DOP1B: variants seen among roughly 807,000 people sequenced by gnomAD.
DOP1B encodes the protein protein DOP1B.
In DOP1B, 174 loss-of-function variants were observed where a neutral mutation model predicts 233.5. The observed-to-expected ratio is 0.75, with a 90% CI of 0.66 to 0.85. The LOEUF (loss-of-function observed/expected upper bound fraction) is 0.85. DOP1B is among the 40% of genes least tolerant of loss of function. DOP1B has a pLI of 0.00. For missense variants in DOP1B, 2,652 were observed against 2,846.6 expected, an observed-to-expected ratio of 0.93 and a Z score of 1.56; for synonymous variants, 1,190 against 1,185.6, an observed-to-expected ratio of 1.00 and a Z score of -0.08.
rs2066535421 is a variant in DOP1B, at chr21:36,214,304, G to A, written c.1014+114G>A. The stretch of plus-strand genomic sequence containing the variant: ...CACGTTCCTTGGCCCCTGGTTTGGG[G>A]AACTGCAGGGTATTTGTTGCATGCT... On this transcript the variant is annotated intron_variant, in intron 8 of 36. Coordinates refer to ENST00000691173, the MANE Select transcript of DOP1B (RefSeq NM_001320714.2). 3.2e-6 allele frequency: 4 copies of A among 1,246,808 alleles called. No individual in the cohort carries two copies. The South Asian group carries it at 5.5e-5, about 17-fold the overall frequency. The allele number at this position is 1,246,808 out of a possible 1,614,324, so 77.2% of individuals were successfully genotyped here. A position where few individuals can be genotyped will look rare whatever the true frequency, so the allele number is the denominator to read the frequency against.
chr21:36,246,487 G>A lies in DOP1B; in HGVS notation c.4507G>A (p.Val1503Met), dbSNP rs1231594938. The change falls in exon 19 of 37, where the codon GTG becomes ATG. Residue 1503 changes from valine (V) to methionine (M), a missense_variant. Physicochemically the swap from Val to Met is conservative, Grantham distance 21. This residue lies in a region of DOP1B where 2,617 missense variants were observed against 2,794.3 expected (regional missense o/e 0.94). Transcript: ENST00000691173. The surrounding 1 kb of genome is among the most constrained non-coding windows in gnomAD (Gnocchi z 5.1). ...LTSQGLLVSAVVRGLQPAYGY... is the reference protein window; with the variant it reads ...LTSQGLLVSAMVRGLQPAYGY... Reference sequence around the variant, plus strand: ...CTCCCAGGGTCTTCTGGTCTCTGCGGTGGTGAGGGGTCTGCAGCCCGCCTA... The same window carrying A: ...CTCCCAGGGTCTTCTGGTCTCTGCGATGGTGAGGGGTCTGCAGCCCGCCTA... The A allele has an allele frequency of 1.9e-6, 3 of 1,614,152 alleles. No individual in the cohort carries two copies. The highest frequency in any genetic ancestry group is 1.1e-5 in the South Asian group (1 of 91,084).
At position 36,278,365 on chromosome 21, in the gene DOP1B, G is replaced by A; in HGVS notation, c.5969+10G>A. The stretch of plus-strand genomic sequence containing the variant: ...ATACTTCCTGTGTTCAGTAAGATAT[G>A]CTGTCCTGATAACAACGTGCTCTGA... On this transcript the variant is annotated intron_variant, in intron 30 of 36. Transcript: ENST00000691173. 1 of 1,605,412 alleles carries A rather than the reference G, an allele frequency of 6.2e-7. No homozygotes were observed. Among genetic ancestry groups the A allele is most frequent in the Non-Finnish European group, 8.5e-7 (1 of 1,178,196 alleles).
At position 36,205,485 on chromosome 21, in the gene DOP1B, T is replaced by G. The variant is rs993164592; in HGVS notation, c.492-3230T>G. ...CACCCTGCAGCCTCCACCTCCTGGG[T>G]TCAAGCAATTCTCCTGCCTCAGCCT... On this transcript the variant is annotated intron_variant, in intron 4 of 36. Transcript: ENST00000691173. Among the ~76,000 whole-genome samples the G allele has an allele frequency of 2.5e-4, 38 of 151,782 alleles. 1 individual carries two copies. Among genetic ancestry groups the G allele is most frequent in the African/African-American group, 9.0e-4 (37 of 41,334 alleles).
Position 36,235,868 on chromosome 21 carries a change from G to C in DOP1B, c.2623-1394G>C, listed in dbSNP as rs139681929. 9.2e-3 allele frequency among the ~76,000 whole-genome samples: 1,364 copies of C among 147,842 alleles called. 20 individuals carry two copies. The highest frequency in any genetic ancestry group is 0.031 in the African/African-American group (1,284 of 40,836). On this transcript the variant is annotated intron_variant, in intron 15 of 36. Coordinates refer to ENST00000691173, the MANE Select transcript of DOP1B (RefSeq NM_001320714.2). The stretch of plus-strand genomic sequence containing the variant: ...CATAGTGACAGCAAGGAAGTCGGGG[G>C]GGGGGCGGTCTACGTAGTCAAAAAG...
intron 9 of DOP1B, among the ~76,000 whole-genome samples, chr21:36,215,739 G>A (rs1268158153): frequency 1.3e-5 from 2 of 148,662 alleles, no homozygotes; most frequent in Non-Finnish European, 1.5e-5. Context: ...TTGCGACCAG[G>A]CACGGTGGCT....
chr21:36,199,058 CTT>C lies in DOP1B; in HGVS notation c.139-11_139-10del. The C allele has an allele frequency of 6.3e-7, 1 of 1,592,266 alleles. No homozygotes were observed. ...CTTCTTCCTCATGTGTTTTTTTTGTCTTGTTTGACAGGCTCTTCAGAGTAACC... is the reference window on the plus strand; with the variant it reads ...CTTCTTCCTCATGTGTTTTTTTTGTCGTTTGACAGGCTCTTCAGAGTAACC... On this transcript the variant is annotated splice_polypyrimidine_tract_variant and intron_variant, in intron 2 of 36. Transcript: ENST00000691173.
At chr21:36,243,860 A>G (rs1425260350) in intron 18 of DOP1B, among the ~76,000 whole-genome samples, 1 of 151,740 alleles carries the variant, frequency 6.6e-6, no homozygotes, top group East Asian at 1.9e-4. Flanking sequence ...TTTTCTAGAG[A>G]TGGAGTTTTT....
chr21:36,246,653 G>T lies in DOP1B; in HGVS notation c.4673G>T (p.Ser1558Ile). Residue 1558 changes from serine to isoleucine, a missense_variant, in exon 19 of 37, where the codon AGC (serine) becomes ATC (isoleucine). Physicochemically the swap from Ser to Ile is moderately radical, Grantham distance 142. Around this residue, in one of 3 missense-constraint regions of DOP1B, gnomAD observed 2,617 missense variants for 2,794.3 expected, o/e 0.94. Coordinates refer to ENST00000691173, the MANE Select transcript of DOP1B (RefSeq NM_001320714.2). This position sits in a 1 kb window ranked among gnomAD's most constrained non-coding sequence, Gnocchi z 5.1. Reference protein sequence around the residue: ...NLDDLVKQYESESVKLSVSTT... With the variant: ...NLDDLVKQYEIESVKLSVSTT... ...GATGACTTGGTCAAGCAGTATGAAA[G>T]CGAATCTGTGAAGCTCTCTGTCAGG... is the stretch of plus-strand genomic sequence containing the variant. 6.2e-7 allele frequency: 1 copy of T among 1,612,240 alleles called. No homozygotes were observed. Among genetic ancestry groups the T allele is most frequent in the Non-Finnish European group, 8.5e-7 (1 of 1,178,520 alleles).
rs527929154 is a variant in DOP1B at position 36,175,583 on chromosome 21, A to G, written c.138+10712A>G. ...CAAGATGGGTGGATCACTTGAGGTC[A>G]GGAGTTCAAGACCAGCCTGGCCAAC... On this transcript the variant is annotated intron_variant, in intron 2 of 36. Coordinates refer to ENST00000691173, the MANE Select transcript of DOP1B (RefSeq NM_001320714.2). Among the ~76,000 whole-genome samples, 38 of 151,422 alleles carry G rather than the reference A, an allele frequency of 2.5e-4. 1 individual carries two copies. The East Asian group carries it at 7.2e-3, about 29-fold the overall frequency.
At chr21:36,226,650 G>C (rs2066686323) in intron 12 of DOP1B, among the ~76,000 whole-genome samples, 3 of 152,002 alleles carry the variant, frequency 2.0e-5, no homozygotes, top group Non-Finnish European at 4.4e-5. Context: ...CTGGAGTGCA[G>C]TGGCATGATC....
At chr21:36,241,937 C>A (rs2066896566) in intron 18 of DOP1B, among the ~76,000 whole-genome samples, 1 of 151,020 alleles carries the variant, frequency 6.6e-6, no homozygotes, top group Admixed American at 6.6e-5. Flanking sequence ...CTGGCCTAAA[C>A]CTCTAACCTC....
chr21:36,263,066 C>T (rs1331950503), intron 24 of DOP1B, among the ~76,000 whole-genome samples: 2 of 151,868 alleles, frequency 1.3e-5, no homozygotes, highest in African/African-American at 2.4e-5. Context: ...GAAACCCCGT[C>T]GCTACTAAAA....
intron 11 of DOP1B, among the ~76,000 whole-genome samples, chr21:36,223,809 G>A (rs2066652350): frequency 6.6e-6 from 1 of 152,118 alleles, no homozygotes; most frequent in African/African-American, 2.4e-5. Context: ...TTTTAACCGG[G>A]TGAATTGCAC....
intron 18 of DOP1B, among the ~76,000 whole-genome samples, chr21:36,244,652 C>T (rs1332565510): frequency 6.6e-6 from 1 of 152,144 alleles, no homozygotes; most frequent in African/African-American, 2.4e-5. Context: ...TCTCGAACTC[C>T]TGACCTCCGG....
At chr21:36,200,551 C>G (rs774848932) in intron 4 of DOP1B, 50 bp downstream of exon 4, 2 of 1,532,396 alleles carry the variant, frequency 1.3e-6, no homozygotes, top group African/African-American at 1.4e-5. Flanking sequence ...CTTTATAAGA[C>G]GCGGGGAGGG....
At chr21:36,222,424 A>G (rs991909708) in intron 10 of DOP1B, among the ~76,000 whole-genome samples, 1 of 151,712 alleles carries the variant, frequency 6.6e-6, no homozygotes, top group African/African-American at 2.4e-5. Context: ...TCTACTAAAA[A>G]TACAAAACTT....
At chr21:36,252,775 GC>G (rs2067045881) in intron 22 of DOP1B, among the ~76,000 whole-genome samples, 1 of 152,184 alleles carries the variant, frequency 6.6e-6, no homozygotes, top group South Asian at 2.1e-4. Flanking sequence ...CTCCCAAGGT[GC>G]TGGGATTACA....
chr21:36,183,533 G>A (rs2066126362), intron 2 of DOP1B, among the ~76,000 whole-genome samples: 1 of 152,200 alleles, frequency 6.6e-6, no homozygotes, highest in Non-Finnish European at 1.5e-5. Flanking sequence ...AAGGTATTTT[G>A]TGCATCCTTA....
At chr21:36,270,552 C>T (rs192918608) in intron 27 of DOP1B, among the ~76,000 whole-genome samples, 41 of 36,826 alleles carry the variant, frequency 1.1e-3, no homozygotes, top group African/African-American at 4.1e-3. Flanking sequence ...GACTCCGTCT[C>T]AAAAAAAAAA....
Sources: allele counts gnomAD v4.1 joint callset (sites outside exome capture counted in the v4.1 genomes callset), GRCh38; gene constraint gnomAD v4.1.1; regional missense constraint gnomAD v4.1.1; non-coding constraint Gnocchi (gnomAD v3.1); transcripts MANE v1.5; gene names NCBI Gene and HGNC (gene_info 2026-07-23, HGNC 2026-07-21).